PKM: variants seen among roughly 807,000 people sequenced by gnomAD.
PKM encodes the protein pyruvate kinase PKM.
Under a neutral mutation model 49.8 loss-of-function variants are expected in PKM, and 18 were observed. The observed-to-expected ratio is 0.36, with a 90% CI of 0.25 to 0.54. The LOEUF (loss-of-function observed/expected upper bound fraction) is 0.54. Ranked by LOEUF, PKM falls within the 20% of genes least tolerant of loss-of-function variation. PKM has a pLI of 0.89. For missense variants in PKM, 508 were observed against 713.8 expected (o/e 0.71, Z 3.28); for synonymous variants, 239 against 261.8 (o/e 0.91, Z 0.84).
chr15:72,220,648 G>GA (rs1468094467), intron 1 of PKM, among the ~76,000 whole-genome samples: 5 of 152,256 alleles, frequency 3.3e-5, no homozygotes, highest in African/African-American at 4.8e-5. Context: ...GTACCAAAAT[G>GA]AAAAAATCAA....
intron 5 of PKM, 91 bp downstream of exon 5, chr15:72,209,582 C>A: frequency 8.9e-7 from 1 of 1,128,246 alleles, no homozygotes; most frequent in Non-Finnish European, 1.3e-6. Flanking sequence ...ATCTCACTGC[C>A]AGGCAACCAA....
chr15:72,229,611 G>C, intron 1 of PKM: 1 of 1,278,200 alleles, frequency 7.8e-7, no homozygotes, highest in Non-Finnish European at 1.0e-6. Context: ...AATCCAGTGT[G>C]CTTGCCACCT....
rs151090813 is a variant in PKM at position 72,200,798 on chromosome 15, C to T, written c.1308-143G>A. 4.7e-4 allele frequency: 318 copies of T among 682,140 alleles called. 1 individual carries two copies. The highest frequency in any genetic ancestry group is 4.0e-3 in the African/African-American group (220 of 55,606). The allele number at this position is 682,140 out of a possible 1,614,324, so 42.3% of individuals were successfully genotyped here. A position where few individuals can be genotyped will look rare whatever the true frequency, so the allele number is the denominator to read the frequency against. On this transcript the variant is annotated intron_variant, in intron 9 of 10. Coordinates refer to ENST00000335181, the MANE Select transcript of PKM (RefSeq NM_002654.6). The surrounding 1 kb of genome is among the most constrained non-coding windows in gnomAD (Gnocchi z 4.6). Reference sequence around the variant, plus strand: ...AACATCTGCTCCCTAGGACCCCTCCCGAGGCTCGGGCAGCCCCTCATCCTA... The same window carrying T: ...AACATCTGCTCCCTAGGACCCCTCCTGAGGCTCGGGCAGCCCCTCATCCTA...
chr15:72,215,413 A>T (rs1331008468), intron 3 of PKM, among the ~76,000 whole-genome samples: 1 of 152,192 alleles, frequency 6.6e-6, no homozygotes, highest in African/African-American at 2.4e-5. Context: ...ACATTATATA[A>T]ATTAGAATAA....
chr15:72,206,116 T>C (rs1487806934), intron 8 of PKM: 1 of 154,070 alleles, frequency 6.5e-6, no homozygotes, highest in Non-Finnish European at 1.4e-5. Context: ...CTTTTTGGTC[T>C]AGAGTAAGAG....
At chr15:72,215,136 G>A (rs2082346679) in intron 3 of PKM, among the ~76,000 whole-genome samples, 1 of 152,190 alleles carries the variant, frequency 6.6e-6, no homozygotes, top group Admixed American at 6.5e-5. Flanking sequence ...GGGAGGCAGA[G>A]GTTGTGGTGA....
At chr15:72,217,805 TG>T (rs2082412991) in intron 2 of PKM, among the ~76,000 whole-genome samples, 1 of 152,220 alleles carries the variant, frequency 6.6e-6, no homozygotes, top group Non-Finnish European at 1.5e-5. Flanking sequence ...CACAGAATCT[TG>T]GTAGCACAGA....
intron 1 of PKM, among the ~76,000 whole-genome samples, chr15:72,226,139 A>G (rs959275664): frequency 2.0e-5 from 3 of 152,216 alleles, no homozygotes; most frequent in African/African-American, 7.2e-5. Flanking sequence ...CTGAAATGGC[A>G]TGGTGGACAC....
intron 1 of PKM, among the ~76,000 whole-genome samples, chr15:72,230,062 G>A (rs1483424261): frequency 4.6e-5 from 7 of 152,318 alleles, no homozygotes; most frequent in Admixed American, 4.6e-4. Context: ...GTGAAGCGGG[G>A]TGGGCCCTGG....
rs779604114 is a variant in PKM at position 72,207,310 on chromosome 15, A to G, written c.837-33T>C. On this transcript the variant is annotated intron_variant, in intron 6 of 10. Transcript: ENST00000335181. The stretch of plus-strand genomic sequence containing the variant: ...ACAAAGTTGGGGGGAGAGAGGTTAT[A>G]TAGAACAGAGGCCACAAGTATGGCA... 9.9e-6 allele frequency: 16 copies of G among 1,608,142 alleles called. No homozygotes were observed. The South Asian group carries it at 1.6e-4, about 17-fold the overall frequency.
chr15:72,226,951 C>T (rs1351714219), intron 1 of PKM, among the ~76,000 whole-genome samples: 1 of 152,238 alleles, frequency 6.6e-6, no homozygotes, highest in Non-Finnish European at 1.5e-5. Context: ...AAGCACCCAA[C>T]TCCTGAGCTG....
chr15:72,201,521 C>T (rs997575456), intron 9 of PKM: 2 of 152,304 alleles, frequency 1.3e-5, no homozygotes, highest in Admixed American at 1.3e-4. Context: ...CACGCTTGGC[C>T]TCTATGCAAG....
chr15:72,228,924 C>A (rs8192357), intron 1 of PKM, among the ~76,000 whole-genome samples: 1 of 152,128 alleles, frequency 6.6e-6, no homozygotes. Flanking sequence ...CTACTTACAG[C>A]GGAACACCAA....
intron 1 of PKM, among the ~76,000 whole-genome samples, chr15:72,227,759 A>AAC (rs2082715521): frequency 7.5e-6 from 1 of 133,550 alleles, no homozygotes; most frequent in African/African-American, 3.4e-5. Flanking sequence ...AAAAAAAAAA[A>AAC]AAAAAAAAAA....
At chr15:72,231,500 C>A (rs2082872348), upstream of PKM, 2 of 152,532 alleles carry the variant, frequency 1.3e-5, no homozygotes, top group Admixed American at 1.3e-4. Context: ...CCTCCCAGAC[C>A]CCCGGGCGCC....
rs1249850711 is a variant in PKM, at chr15:72,202,760, C to T, written c.1141-140G>A. 7 of 778,676 alleles carry T rather than the reference C, an allele frequency of 9.0e-6. No individual in the cohort carries two copies. Among genetic ancestry groups the T allele is most frequent in the Non-Finnish European group, 1.5e-5 (7 of 468,640 alleles). 48.2% of individuals were successfully genotyped at this position (778,676 alleles called of 1,614,324 possible). ...CCTGGGAACAAAGGCCAAGAGGAGC[C>T]CAATCACTGGAGATTCTGAGCTGAG... On this transcript the variant is annotated intron_variant, in intron 8 of 10. Coordinates refer to ENST00000335181, the MANE Select transcript of PKM (RefSeq NM_002654.6). The surrounding 1 kb of genome is among the most constrained non-coding windows in gnomAD (Gnocchi z 4.5).
At chr15:72,223,238 T>C (rs775003044) in intron 1 of PKM, among the ~76,000 whole-genome samples, 5 of 152,078 alleles carry the variant, frequency 3.3e-5, no homozygotes, top group Non-Finnish European at 5.9e-5. Flanking sequence ...AGATTCACGC[T>C]TCACTCCACC....
intron 5 of PKM, 61 bp from the exon 6 acceptor site, chr15:72,208,952 G>A (rs1406723492): frequency 6.4e-7 from 1 of 1,552,868 alleles, no homozygotes; most frequent in Non-Finnish European, 8.8e-7. Context: ...ACAGGAAGCA[G>A]GCACCTTTCC....
chr15:72,219,221 T>A, intron 1 of PKM, 111 bp from the exon 2 acceptor site: 2 of 970,682 alleles, frequency 2.1e-6, no homozygotes, highest in East Asian at 2.5e-5. Context: ...GCACGCTTTG[T>A]ACACAAGCCA....
Sources: allele counts gnomAD v4.1 joint callset (sites outside exome capture counted in the v4.1 genomes callset), GRCh38; gene constraint gnomAD v4.1.1; non-coding constraint Gnocchi (gnomAD v3.1); transcripts MANE v1.5; gene names NCBI Gene and HGNC (gene_info 2026-07-23, HGNC 2026-07-21).